Variants in ARMC2 observed in about 807,000 individuals in gnomAD.
ARMC2 encodes the protein armadillo repeat-containing protein 2.
Under a neutral mutation model 90.3 loss-of-function variants are expected in ARMC2, and 67 were observed. That is an observed-to-expected ratio of 0.74 (90% CI 0.61 to 0.91). The LOEUF is 0.91. ARMC2 is among the 40% of genes least tolerant of loss of function. The pLI, the probability that ARMC2 is intolerant of heterozygous loss-of-function variation, is 0.00. For missense variants in ARMC2, 920 were observed against 1,030.9 expected (o/e 0.89, Z 1.47); for synonymous variants, 393 against 393.0 (o/e 1.00, Z 0.00).
At chr6:108,947,662 A>G (rs530667212) in intron 12 of ARMC2, among the ~76,000 whole-genome samples, 1 of 152,174 alleles carries the variant, frequency 6.6e-6, no homozygotes, top group Non-Finnish European at 1.5e-5. Flanking sequence ...ACTAATGACA[A>G]TATCCCTCAG....
At chr6:108,855,546 C>T (rs546363102) in intron 2 of ARMC2, among the ~76,000 whole-genome samples, 11 of 152,274 alleles carry the variant, frequency 7.2e-5, no homozygotes, top group South Asian at 4.1e-4. Context: ...CGACCTCGCC[C>T]GGCCAAGTTT....
intron 10 of ARMC2, among the ~76,000 whole-genome samples, chr6:108,924,451 G>A (rs539114566): frequency 1.3e-5 from 2 of 152,256 alleles, no homozygotes; most frequent in South Asian, 4.2e-4. Context: ...CCAGGAGGCG[G>A]AGGTTGCAGT....
chr6:108,932,589 C>T (rs1271536276), intron 11 of ARMC2, among the ~76,000 whole-genome samples: 2 of 122,824 alleles, frequency 1.6e-5, no homozygotes, highest in Non-Finnish European at 3.1e-5. Context: ...AGGGCAGTGG[C>T]GCGGTCTCGG....
At chr6:108,867,935 AAAAT>A (rs1457287082) in intron 3 of ARMC2, among the ~76,000 whole-genome samples, 3 of 152,288 alleles carry the variant, frequency 2.0e-5, no homozygotes, top group South Asian at 4.1e-4. Context: ...ACTCCATCTC[AAAAT>A]AAATAAATAA....
At chr6:108,860,737 C>G (rs1391380341) in intron 3 of ARMC2, among the ~76,000 whole-genome samples, 1 of 151,676 alleles carries the variant, frequency 6.6e-6, no homozygotes, top group Non-Finnish European at 1.5e-5. Context: ...CTACCCACAC[C>G]TGTAGTTAGG....
At chr6:109,042,530 CG>C in the ARMC2 span, among the ~76,000 whole-genome samples, 89 of 123,228 alleles carry the variant, frequency 7.2e-4, 1 homozygote, top group Non-Finnish European at 8.0e-4. Context: ...AGGATTATTG[CG>C]AAAAAAAAAA....
At chr6:109,029,382 T>G in the ARMC2 span, among the ~76,000 whole-genome samples, 2 of 152,244 alleles carry the variant, frequency 1.3e-5, no homozygotes, top group African/African-American at 4.8e-5. Flanking sequence ...GAGCAATTCT[T>G]AAGAGAAGCA....
intron 5 of ARMC2, among the ~76,000 whole-genome samples, 180 bp from the exon 6 acceptor site, chr6:108,894,287 G>A (rs1220234994): frequency 6.6e-6 from 1 of 152,186 alleles, no homozygotes; most frequent in Admixed American, 6.5e-5. Flanking sequence ...GCTCACTTGT[G>A]CCAAGGAGTT....
At chr6:108,976,454 G>A (rs1297562442), downstream of ARMC2, among the ~76,000 whole-genome samples, 3 of 152,090 alleles carry the variant, frequency 2.0e-5, no homozygotes, top group Non-Finnish European at 4.4e-5. Context: ...CTCCAGCTTT[G>A]TTCTTTTTGC....
chr6:108,863,769 A>G (rs1775523243), intron 3 of ARMC2, among the ~76,000 whole-genome samples: 1 of 152,218 alleles, frequency 6.6e-6, no homozygotes, highest in African/African-American at 2.4e-5. Context: ...TCAGCTTGAT[A>G]CATTTACACA....
chr6:109,014,120 T>C, the ARMC2 span, among the ~76,000 whole-genome samples: 4 of 152,156 alleles, frequency 2.6e-5, no homozygotes, highest in African/African-American at 9.7e-5. Flanking sequence ...TTTAGAAATG[T>C]AGTGTTTTAA....
At chr6:109,002,989 G>A in the ARMC2 span, among the ~76,000 whole-genome samples, 1 of 151,944 alleles carries the variant, frequency 6.6e-6, no homozygotes, top group Non-Finnish European at 1.5e-5. Context: ...TTTTAGAGAA[G>A]CTCAAATAAT....
chr6:108,872,747 G>T (rs895717852), intron 4 of ARMC2, among the ~76,000 whole-genome samples: 1 of 152,210 alleles, frequency 6.6e-6, no homozygotes, highest in Non-Finnish European at 1.5e-5. Context: ...CCCTCTTGCT[G>T]AAAACCCTTC....
chr6:109,045,188 C>T, the ARMC2 span, among the ~76,000 whole-genome samples: 1 of 152,140 alleles, frequency 6.6e-6, no homozygotes, highest in Non-Finnish European at 1.5e-5. Flanking sequence ...CCTTACTAAC[C>T]TCTTGTCAAG....
chr6:109,005,692 A>G, the ARMC2 span, among the ~76,000 whole-genome samples: 1 of 152,194 alleles, frequency 6.6e-6, no homozygotes, highest in Non-Finnish European at 1.5e-5. Flanking sequence ...TGGGCATATT[A>G]ATAACACTGT....
chr6:108,994,652 A>G, the ARMC2 span: 36 of 1,473,106 alleles, frequency 2.4e-5, no homozygotes, highest in Non-Finnish European at 3.3e-5. Context: ...GCAGACATAG[A>G]ATATATATGA....
chr6:108,892,997 A>G (rs896971821), intron 5 of ARMC2, among the ~76,000 whole-genome samples: 2 of 152,184 alleles, frequency 1.3e-5, no homozygotes, highest in South Asian at 2.1e-4. Flanking sequence ...TATTTGATGG[A>G]CAAAAAGAAA....
the ARMC2 span, among the ~76,000 whole-genome samples, chr6:109,048,647 A>C: frequency 6.6e-6 from 1 of 152,102 alleles, no homozygotes; most frequent in Non-Finnish European, 1.5e-5. Context: ...CAAGTAGGAG[A>C]ATTTTTTTTA....
chr6:108,882,438 CAA>C lies in ARMC2; in HGVS notation c.671+6102_671+6103del, dbSNP rs61688419. Among the ~76,000 whole-genome samples, 810 of 126,412 alleles carry C rather than the reference CAA, an allele frequency of 6.4e-3. 2 individuals are homozygous for C. The highest frequency in any genetic ancestry group is 0.017 in the African/African-American group (566 of 33,862). 82.9% of individuals were successfully genotyped at this position (126,412 alleles called of 152,430 possible). A position where few individuals can be genotyped will look rare whatever the true frequency, so the allele number is the denominator to read the frequency against. ...TAGGCGATGGAGTGAGACTCCCTCT[CAA>C]AAAAAAAAAAAAAGGAAAAAAGCAC... On this transcript the variant is annotated intron_variant, in intron 5 of 17. Transcript: ENST00000392644.
Sources: gnomAD v4.1 joint callset for allele counts (sites outside exome capture counted in the v4.1 genomes callset) on GRCh38, gnomAD v4.1.1 for gene constraint, MANE v1.5 for transcripts, NCBI Gene and HGNC (gene_info 2026-07-23, HGNC 2026-07-21) for gene names.